USP13: variants seen among roughly 807,000 people sequenced by gnomAD.
The protein encoded by USP13 is ubiquitin specific peptidase 13.
Under a neutral mutation model 107.8 loss-of-function variants are expected in USP13, and 68 were observed. The ratio of observed to expected loss-of-function variants is 0.63; its 90% CI spans 0.52 to 0.77. USP13 has a LOEUF of 0.77. USP13 is among the 30% of genes least tolerant of loss of function. USP13 has a pLI of 0.00. For missense variants in USP13, 945 were observed against 1,093.3 expected, an observed-to-expected ratio of 0.86 and a Z score of 1.91; for synonymous variants, 377 against 389.5, an observed-to-expected ratio of 0.97 and a Z score of 0.38.
chr3:179,755,101 C>G (rs182987135), intron 15 of USP13, among the ~76,000 whole-genome samples: 1 of 151,992 alleles, frequency 6.6e-6, no homozygotes. Flanking sequence ...TTTGTAGGCT[C>G]TTAGTCTAGG....
chr3:179,729,509 T>A (rs1367222534), intron 8 of USP13, among the ~76,000 whole-genome samples: 1 of 152,194 alleles, frequency 6.6e-6, no homozygotes, highest in African/African-American at 2.4e-5. Context: ...TCTTGCTCTG[T>A]CATCCAGGCT....
intron 8 of USP13, among the ~76,000 whole-genome samples, chr3:179,728,694 T>G (rs1294481278): frequency 6.6e-6 from 1 of 152,084 alleles, no homozygotes; most frequent in Non-Finnish European, 1.5e-5. Context: ...TGGGCACCAT[T>G]GAGCACTGAG....
intron 5 of USP13, among the ~76,000 whole-genome samples, chr3:179,707,612 C>T (rs1178158099): frequency 6.6e-6 from 1 of 152,176 alleles, no homozygotes; most frequent in Non-Finnish European, 1.5e-5. Flanking sequence ...GATCACCTCC[C>T]GGACAAGCCA....
Position 179,681,953 on chromosome 3 carries a change from C to G in USP13, c.244C>G (p.Arg82Gly), listed in dbSNP as rs759284752. 10 of 1,613,798 alleles carry G rather than the reference C, an allele frequency of 6.2e-6. No homozygotes were observed. In the South Asian group the frequency reaches 7.7e-5, roughly 12 times the overall value. ...FGREHVERHF[R>G]KTGQSVYMHL... is the part of the protein sequence containing the mutation. Reference sequence around the variant, plus strand: ...AAGGGAACATGTTGAAAGACATTTTCGAAAAACTGGACAGAGTGTATACAT... The same window carrying G: ...AAGGGAACATGTTGAAAGACATTTTGGAAAAACTGGACAGAGTGTATACAT... The change falls in exon 2 of 21, where the codon CGA becomes GGA. Residue 82 changes from arginine (R) to glycine (G), a missense_variant. By Grantham distance (125) the Arg-to-Gly change is moderately radical. Coordinates refer to ENST00000263966, the MANE Select transcript of USP13 (RefSeq NM_003940.3).
intron 19 of USP13, among the ~76,000 whole-genome samples, chr3:179,767,428 G>GTTTTT (rs1431728738): frequency 2.4e-4 from 34 of 143,748 alleles, no homozygotes; most frequent in African/African-American, 8.6e-4. Flanking sequence ...GTTTTTTTTG[G>GTTTTT]TTTTTTTTTT....
chr3:179,702,081 G>A (rs1018937352), intron 4 of USP13, among the ~76,000 whole-genome samples: 1 of 151,826 alleles, frequency 6.6e-6, no homozygotes, highest in African/African-American at 2.4e-5. Flanking sequence ...GTGCCGTGGC[G>A]CGATCTCGGC....
At chr3:179,770,866 A>G (rs1433382591) in intron 19 of USP13, among the ~76,000 whole-genome samples, 1 of 152,122 alleles carries the variant, frequency 6.6e-6, no homozygotes, top group East Asian at 1.9e-4. Context: ...TTGGCCTCCC[A>G]AAGTGCTGGG....
At chr3:179,748,714 AGG>A (rs1346381934) in intron 13 of USP13, among the ~76,000 whole-genome samples, 1 of 152,214 alleles carries the variant, frequency 6.6e-6, no homozygotes, top group Non-Finnish European at 1.5e-5. Flanking sequence ...AAGAGTTGAG[AGG>A]GAGAGATTTT....
chr3:179,698,911 T>A (rs945843174), intron 3 of USP13, among the ~76,000 whole-genome samples: 4 of 150,918 alleles, frequency 2.7e-5, no homozygotes, highest in African/African-American at 9.7e-5. Context: ...GCTCTGTTGC[T>A]CAGGCTAGAG....
chr3:179,728,004 C>T (rs1304598104), intron 8 of USP13, among the ~76,000 whole-genome samples: 3 of 56,964 alleles, frequency 5.3e-5, no homozygotes, highest in African/African-American at 1.1e-4. Context: ...CCAGACGGGG[C>T]GGCTGGCCAG....
intron 5 of USP13, 40 bp from the exon 6 acceptor site, chr3:179,708,733 A>G (rs773171386): frequency 1.2e-6 from 2 of 1,606,690 alleles, no homozygotes; most frequent in Non-Finnish European, 1.7e-6. Context: ...TTTTAAAATT[A>G]TGCCCTGGCT....
At chr3:179,679,510 T>A (rs1254566599) in intron 1 of USP13, among the ~76,000 whole-genome samples, 1 of 152,122 alleles carries the variant, frequency 6.6e-6, no homozygotes, top group Non-Finnish European at 1.5e-5. Context: ...AGACTAACCA[T>A]AGCTTAAGAA....
intron 13 of USP13, among the ~76,000 whole-genome samples, chr3:179,747,842 A>C (rs576269476): frequency 6.6e-6 from 1 of 152,308 alleles, no homozygotes; most frequent in East Asian, 1.9e-4. Flanking sequence ...ATATCTATCT[A>C]GAATCCTGGA....
intron 8 of USP13, among the ~76,000 whole-genome samples, chr3:179,723,025 C>T (rs919697002): frequency 3.9e-5 from 6 of 152,120 alleles, no homozygotes; most frequent in Non-Finnish European, 5.9e-5. Flanking sequence ...CCACTGCCTA[C>T]GTGTAGAGAA....
At chr3:179,724,506 A>G (rs1251764850) in intron 8 of USP13, among the ~76,000 whole-genome samples, 5 of 151,878 alleles carry the variant, frequency 3.3e-5, no homozygotes, top group Non-Finnish European at 7.4e-5. Context: ...AAATTAAAGA[A>G]AGGAAAGAAA....
At chr3:179,718,924 T>G (rs1560060802) in intron 6 of USP13, among the ~76,000 whole-genome samples, 2 of 152,002 alleles carry the variant, frequency 1.3e-5, no homozygotes, top group African/African-American at 4.8e-5. Context: ...GCCCGGCTAA[T>G]TTTTTGCATT....
intron 2 of USP13, among the ~76,000 whole-genome samples, chr3:179,687,659 CAAAAAAAAA>C (rs71182509): frequency 0.21 from 3,872 of 18,566 alleles, 535 homozygotes; most frequent in Middle Eastern, 0.35. Flanking sequence ...AACTCTGTCT[CAAAAAAAAA>C]AAAAAAAAAA....
chr3:179,724,560 C>T (rs1033444542), intron 8 of USP13, among the ~76,000 whole-genome samples: 5 of 151,798 alleles, frequency 3.3e-5, no homozygotes, highest in Non-Finnish European at 7.4e-5. Flanking sequence ...TATGAACAGC[C>T]GTAGCATAAT....
rs987364684 is a variant in USP13 at position 179,678,349 on chromosome 3, T to C, written c.169-3529T>C. ...TGAAAATACTTACCTAATCTGTTGA[T>C]TAAATGCATGTAATGTGTTGTCTCT... On this transcript the variant is annotated intron_variant, in intron 1 of 20. Transcript: ENST00000263966. This position sits in a 1 kb window ranked among gnomAD's most constrained non-coding sequence, Gnocchi z 4.2. Among the ~76,000 whole-genome samples the C allele has an allele frequency of 6.6e-6, 1 of 152,220 alleles. No homozygotes were observed. The highest frequency in any genetic ancestry group is 1.5e-5 in the Non-Finnish European group (1 of 68,032).
Sources: gnomAD v4.1 joint callset for allele counts (sites outside exome capture counted in the v4.1 genomes callset) on GRCh38, gnomAD v4.1.1 for gene constraint, Gnocchi (gnomAD v3.1) non-coding constraint, MANE v1.5 for transcripts, NCBI Gene and HGNC (gene_info 2026-07-23, HGNC 2026-07-21) for gene names.